Variants in MCC observed in about 807,000 individuals in gnomAD.
MCC encodes the protein colorectal mutant cancer protein.
MCC carries 90 observed loss-of-function variants against 116.2 expected under a neutral mutation model. That is an observed-to-expected ratio of 0.77 (90% CI 0.65 to 0.92). The LOEUF (loss-of-function observed/expected upper bound fraction) is 0.92. Among genes scored for constraint, MCC ranks in the 40% least tolerant of loss-of-function variants. MCC has a pLI of 0.00. For synonymous variants in MCC, 578 were observed against 510.5 expected (o/e 1.13, Z -1.78); for missense variants, 1,516 against 1,312.2 (o/e 1.16, Z -2.40).
intron 15 of MCC, among the ~76,000 whole-genome samples, chr5:113,051,754 A>C (rs1752504541): frequency 6.6e-6 from 1 of 152,074 alleles, no homozygotes; most frequent in Admixed American, 6.5e-5. Flanking sequence ...AAACAACAAC[A>C]AAAAGAAGAA....
intron 14 of MCC, 29 bp from the exon 15 acceptor site, chr5:113,053,988 C>T (rs1383263945): frequency 2.6e-6 from 4 of 1,512,866 alleles, no homozygotes; most frequent in Non-Finnish European, 3.7e-6. Context: ...AAAGACCCAC[C>T]ACCCTGTGTT....
At chr5:113,262,233 A>C (rs1402712016) in intron 3 of MCC, among the ~76,000 whole-genome samples, 2 of 151,904 alleles carry the variant, frequency 1.3e-5, no homozygotes, top group Non-Finnish European at 2.9e-5. Flanking sequence ...AGCTCCACAG[A>C]TTGCTAGCAA....
intron 1 of MCC, among the ~76,000 whole-genome samples, chr5:113,441,496 T>G (rs567274757): frequency 6.7e-6 from 1 of 150,308 alleles, no homozygotes; most frequent in Admixed American, 6.6e-5. Flanking sequence ...TATTATTTTT[T>G]GTTTTGTACA....
chr5:113,112,338 G>A (rs921203368), intron 6 of MCC, among the ~76,000 whole-genome samples: 2 of 152,104 alleles, frequency 1.3e-5, no homozygotes, highest in African/African-American at 2.4e-5. Context: ...TGGATCATGG[G>A]GGCAGACTTC....
intron 1 of MCC, among the ~76,000 whole-genome samples, chr5:113,477,125 T>C (rs993472557): frequency 6.6e-6 from 1 of 152,296 alleles, no homozygotes; most frequent in East Asian, 1.9e-4. Flanking sequence ...AATGAGATCA[T>C]GCAGACTAAG....
chr5:113,161,506 G>T (rs531288651), intron 3 of MCC, among the ~76,000 whole-genome samples: 1 of 152,290 alleles, frequency 6.6e-6, no homozygotes, highest in African/African-American at 2.4e-5. Flanking sequence ...CCACAGATCA[G>T]GAAAGGCCAA....
chr5:113,415,300 T>G (rs1283398464), intron 1 of MCC, among the ~76,000 whole-genome samples: 1 of 152,206 alleles, frequency 6.6e-6, no homozygotes, highest in Non-Finnish European at 1.5e-5. Context: ...TTTCCTGAAT[T>G]TGAATGTTGG....
At chr5:113,073,279 G>A (rs1754170949) in intron 11 of MCC, among the ~76,000 whole-genome samples, 1 of 152,108 alleles carries the variant, frequency 6.6e-6, no homozygotes, top group Non-Finnish European at 1.5e-5. Flanking sequence ...ACTGCTTTCA[G>A]CACCACACAT....
chr5:113,140,281 A>C (rs567345251), intron 5 of MCC, among the ~76,000 whole-genome samples: 6 of 152,336 alleles, frequency 3.9e-5, no homozygotes, highest in African/African-American at 1.4e-4. Context: ...AGAGTCTCCA[A>C]GCAAAATAGG....
intron 14 of MCC, among the ~76,000 whole-genome samples, chr5:113,063,483 CAA>C (rs1753362715): frequency 6.6e-6 from 1 of 152,092 alleles, no homozygotes; most frequent in African/African-American, 2.4e-5. Context: ...TTCCATGAGG[CAA>C]AAGAGATGAG....
At chr5:113,427,013 T>C (rs917475268) in intron 1 of MCC, among the ~76,000 whole-genome samples, 6 of 152,262 alleles carry the variant, frequency 3.9e-5, no homozygotes, top group African/African-American at 9.6e-5. Flanking sequence ...TTTAATCATG[T>C]CTTGTCTTAT....
intron 1 of MCC, among the ~76,000 whole-genome samples, chr5:113,472,729 A>G (rs140923000): frequency 1.7e-3 from 260 of 152,346 alleles, no homozygotes; most frequent in African/African-American, 5.8e-3. Context: ...AATTTACAAG[A>G]TCAAAATGCA....
chr5:113,334,844 G>C lies in MCC; in HGVS notation c.627+5675C>G, dbSNP rs540380255. 7.7e-4 allele frequency among the ~76,000 whole-genome samples: 117 copies of C among 151,498 alleles called. 4 individuals are homozygous for C. Among genetic ancestry groups the C allele is most frequent in the African/African-American group, 2.7e-3 (111 of 40,902 alleles). On this transcript the variant is annotated intron_variant, in intron 3 of 18. Transcript: ENST00000408903. The stretch of plus-strand genomic sequence containing the variant: ...GACCTTAGGTGATCTGCCTGTCTCG[G>C]CCTCCCAAAGTGCTGGCATTACAGG...
intron 12 of MCC, among the ~76,000 whole-genome samples, chr5:113,070,881 T>C (rs112259279): frequency 1.9e-4 from 29 of 152,296 alleles, no homozygotes; most frequent in Admixed American, 6.5e-4. Context: ...CTAAATGAAA[T>C]GATATTTAAG....
At chr5:113,453,535 C>T (rs775746349) in intron 1 of MCC, among the ~76,000 whole-genome samples, 8 of 152,156 alleles carry the variant, frequency 5.3e-5, no homozygotes, top group Admixed American at 3.3e-4. Flanking sequence ...CAAAGGCAGG[C>T]GCCGTGATTC....
intron 1 of MCC, among the ~76,000 whole-genome samples, chr5:113,441,337 T>TCAAAACAAAA (rs200868338): frequency 3.0e-4 from 45 of 151,960 alleles, no homozygotes; most frequent in African/African-American, 8.2e-4. Flanking sequence ...AGACACTGTC[T>TCAAAACAAAA]CAAAACAAAA....
chr5:113,289,663 C>G lies in MCC; in HGVS notation c.627+50856G>C, dbSNP rs149276291. On this transcript the variant is annotated intron_variant, in intron 3 of 18. Transcript: ENST00000408903. ...GATGCCCATGTTGAAGAGAATTGAG[C>G]TGATCTCCCAATTCACAGGCAACAT... 3.3e-3 allele frequency among the ~76,000 whole-genome samples: 501 copies of G among 152,306 alleles called. 1 individual carries two copies. The highest frequency in any genetic ancestry group is 0.012 in the African/African-American group (489 of 41,572).
intron 14 of MCC, among the ~76,000 whole-genome samples, chr5:113,061,796 C>T (rs573293748): frequency 9.9e-5 from 15 of 152,196 alleles, no homozygotes; most frequent in African/African-American, 3.1e-4. Flanking sequence ...GTGGTTACAG[C>T]GGGGGGAAAG....
chr5:113,230,411 A>G (rs1763899109), intron 3 of MCC, among the ~76,000 whole-genome samples: 1 of 152,214 alleles, frequency 6.6e-6, no homozygotes, highest in African/African-American at 2.4e-5. Flanking sequence ...AAACTAATCA[A>G]TGTGATATCA....
Sources: allele counts gnomAD v4.1 joint callset (sites outside exome capture counted in the v4.1 genomes callset), GRCh38; gene constraint gnomAD v4.1.1; transcripts MANE v1.5; gene names NCBI Gene and HGNC (gene_info 2026-07-23, HGNC 2026-07-21).